The following PPIL4 variants were observed in gnomAD, a reference collection of about 807,000 sequenced individuals.
PPIL4 encodes the protein peptidylprolyl isomerase like 4.
Under a neutral mutation model 69.1 loss-of-function variants are expected in PPIL4, and 50 were observed. The observed-to-expected ratio is 0.72, with a 90% confidence interval of 0.58 to 0.92. PPIL4 has a LOEUF of 0.92. Among genes scored for constraint, PPIL4 ranks in the 40% least tolerant of loss-of-function variants. PPIL4 has a pLI of 0.00. For synonymous variants in PPIL4, 193 were observed against 191.6 expected (o/e 1.01, Z -0.06); for missense variants, 480 against 587.9 (o/e 0.82, Z 1.90).
At chr6:149,530,410 C>T (rs963773846) in intron 7 of PPIL4, among the ~76,000 whole-genome samples, 2 of 150,728 alleles carry the variant, frequency 1.3e-5, no homozygotes, top group African/African-American at 4.9e-5. Context: ...CCTGTAATCC[C>T]AGCACTTTGG....
chr6:149,524,613 A>G (rs1252631739), intron 9 of PPIL4, among the ~76,000 whole-genome samples: 2 of 152,210 alleles, frequency 1.3e-5, no homozygotes, highest in Non-Finnish European at 2.9e-5. Context: ...AAAAGTTCTA[A>G]GATTGGCTGA....
chr6:149,511,963 T>A (rs907830313), intron 12 of PPIL4, among the ~76,000 whole-genome samples, 192 bp downstream of exon 12: 14 of 152,334 alleles, frequency 9.2e-5, no homozygotes, highest in African/African-American at 3.1e-4. Flanking sequence ...TCAAAAATGA[T>A]CTTTTATCAT....
At chr6:149,532,237 G>T (rs1034861111) in intron 7 of PPIL4, among the ~76,000 whole-genome samples, 3 of 152,136 alleles carry the variant, frequency 2.0e-5, no homozygotes, top group African/African-American at 7.2e-5. Context: ...TGGGTAAAAG[G>T]TATATAGAAG....
intron 8 of PPIL4, among the ~76,000 whole-genome samples, chr6:149,525,536 T>C (rs1318327725): frequency 1.3e-5 from 2 of 152,188 alleles, no homozygotes; most frequent in Non-Finnish European, 2.9e-5. Context: ...CACAACACTT[T>C]TCTAGTCCAA....
At chr6:149,511,544 G>A (rs1189548117) in intron 12 of PPIL4, among the ~76,000 whole-genome samples, 1 of 152,056 alleles carries the variant, frequency 6.6e-6, no homozygotes, top group Non-Finnish European at 1.5e-5. Flanking sequence ...CAAAGTGCTA[G>A]GATTACAGGC....
chr6:149,541,507 C>G lies in PPIL4; in HGVS notation c.138+12G>C. ...CAATAACAAAGGAAATGACTAATAT[C>G]TACCAACTCACCTGTACATTGTGAA... On this transcript the variant is annotated intron_variant, in intron 2 of 12. Transcript: ENST00000253329. 2 of 1,548,472 alleles carry G rather than the reference C, an allele frequency of 1.3e-6. No individual in the cohort carries two copies. The highest frequency in any genetic ancestry group is 1.8e-6 in the Non-Finnish European group (2 of 1,122,568).
chr6:149,516,826 T>C (rs531261380), intron 11 of PPIL4: 3 of 152,282 alleles, frequency 2.0e-5, no homozygotes, highest in East Asian at 3.9e-4. Flanking sequence ...CAGAGAACAA[T>C]AGGATTTTGT....
At chr6:149,511,965 T>A (rs1244469955) in intron 12 of PPIL4, among the ~76,000 whole-genome samples, 190 bp downstream of exon 12, 1 of 152,256 alleles carries the variant, frequency 6.6e-6, no homozygotes, top group African/African-American at 2.4e-5. Flanking sequence ...AAAAATGATC[T>A]TTTATCATTT....
rs1257205134 is a variant in PPIL4, at chr6:149,507,660, G to GA, written c.1228-1957dup. Among the ~76,000 whole-genome samples, 12 of 152,248 alleles carry GA rather than the reference G, an allele frequency of 7.9e-5. 1 individual carries two copies. In the Middle Eastern group the frequency reaches 0.017, roughly 216 times the overall value. On this transcript the variant is annotated intron_variant, in intron 12 of 12. Coordinates refer to ENST00000253329, the MANE Select transcript of PPIL4 (RefSeq NM_139126.4). ...TTAAGTGCTTTGAGTATTTAAAATA[G>GA]AAGAGATAAAAGATTATGTAGCACT... is the stretch of plus-strand genomic sequence containing the variant.
chr6:149,505,804 G>T, intron 12 of PPIL4, 100 bp from the exon 13 acceptor site: 2 of 1,032,006 alleles, frequency 1.9e-6, no homozygotes, highest in South Asian at 1.6e-5. Context: ...TTAGAAGGCT[G>T]TTATAACAGC....
chr6:149,505,841 C>G, intron 12 of PPIL4, 137 bp from the exon 13 acceptor site: 1 of 675,954 alleles, frequency 1.5e-6, no homozygotes, highest in Non-Finnish European at 2.4e-6. Context: ...CCACTAATGT[C>G]AAGAATCTTG....
chr6:149,516,478 GA>G (rs546938377), intron 11 of PPIL4, among the ~76,000 whole-genome samples: 2 of 150,676 alleles, frequency 1.3e-5, no homozygotes, highest in African/African-American at 4.9e-5. Flanking sequence ...TACATATGTA[GA>G]AAAAAAAATC....
rs767135950 is a variant in PPIL4 at position 149,525,163 on chromosome 6, C to T, written c.850G>A (p.Ala284Thr). ...DWKTGESLCYAFIEFEKEEDC... is the reference protein window; with the variant it reads ...DWKTGESLCYTFIEFEKEEDC... ...CATACCTTTTCAAATTCAATAAAAGCGTAACAGAGGGACTCTCCTGTCTTC... is the reference window on the plus strand; with the variant it reads ...CATACCTTTTCAAATTCAATAAAAGTGTAACAGAGGGACTCTCCTGTCTTC... The change falls in exon 9 of 13, where the codon GCT (alanine) becomes ACT (threonine). Residue 284 changes from alanine to threonine, a missense_variant. Coordinates refer to ENST00000253329, the MANE Select transcript of PPIL4 (RefSeq NM_139126.4). 6 of 1,554,720 alleles carry T rather than the reference C, an allele frequency of 3.9e-6. No homozygotes were observed. The African/African-American group carries it at 5.5e-5, about 14-fold the overall frequency.
chr6:149,534,017 G>A lies in PPIL4; in HGVS notation c.562-443C>T, dbSNP rs565906466. ...CTAAAAATACAAAAATTAGCTGGGC[G>A]TGGTGGCATGCACCTACAATCCCAG... On this transcript the variant is annotated intron_variant, in intron 6 of 12. Coordinates refer to ENST00000253329, the MANE Select transcript of PPIL4 (RefSeq NM_139126.4). 7.9e-5 allele frequency among the ~76,000 whole-genome samples: 12 copies of A among 152,028 alleles called. No homozygotes were observed. The East Asian group carries it at 1.2e-3, about 15-fold the overall frequency.
At chr6:149,527,806 A>G (rs1397079893) in intron 7 of PPIL4, among the ~76,000 whole-genome samples, 1 of 152,212 alleles carries the variant, frequency 6.6e-6, no homozygotes, top group Admixed American at 6.5e-5. Flanking sequence ...TCTTTCAGAG[A>G]TTATTTCTGA....
At chr6:149,541,458 T>C in intron 2 of PPIL4, 27 bp from the exon 3 acceptor site, 1 of 1,554,634 alleles carries the variant, frequency 6.4e-7, no homozygotes, top group Non-Finnish European at 8.8e-7. Flanking sequence ...TCTTTGTTAA[T>C]TCACAGAGTT....
At chr6:149,515,410 C>A (rs1024398773) in intron 11 of PPIL4, among the ~76,000 whole-genome samples, 1 of 152,144 alleles carries the variant, frequency 6.6e-6, no homozygotes, top group Non-Finnish European at 1.5e-5. Context: ...CCTCCTATCT[C>A]CCATATTAGT....
intron 9 of PPIL4, 30 bp downstream of exon 9, chr6:149,525,113 T>C: frequency 1.7e-6 from 2 of 1,182,980 alleles, no homozygotes; most frequent in East Asian, 4.9e-5. Flanking sequence ...AGCAAATAAA[T>C]ACCAAACTTA....
In PPIL4 at chr6:149,526,116, TAAATA is replaced by T. The variant is rs1171324951; in HGVS notation, c.803+531_803+535del. ...TCCATGTCAAAAAAATAAACAAAAA[TAAATA>T]AAATAAAATAAAATCCCTGAAACAA... On this transcript the variant is annotated intron_variant, in intron 8 of 12. Transcript: ENST00000253329. 3.3e-5 allele frequency among the ~76,000 whole-genome samples: 5 copies of T among 151,758 alleles called. No individual in the cohort carries two copies. The East Asian group carries it at 5.8e-4, about 18-fold the overall frequency.
Sources: gnomAD v4.1 joint callset for allele counts (sites outside exome capture counted in the v4.1 genomes callset) on GRCh38, gnomAD v4.1.1 for gene constraint, MANE v1.5 for transcripts, NCBI Gene and HGNC (gene_info 2026-07-23, HGNC 2026-07-21) for gene names.